RGS18: variants seen among roughly 807,000 people sequenced by gnomAD.
RGS18 encodes the protein regulator of G-protein signaling 18.
In RGS18, 22 loss-of-function variants were observed where a neutral mutation model predicts 27.6. The ratio of observed to expected loss-of-function variants is 0.80; its 90% CI spans 0.57 to 1.14. RGS18 has a LOEUF of 1.14. RGS18 is among the 50% of genes most tolerant of loss of function. RGS18 has a pLI of 0.00. For synonymous variants in RGS18, 89 were observed against 84.6 expected, an observed-to-expected ratio of 1.05 and a Z score of -0.29; for missense variants, 299 against 269.6, an observed-to-expected ratio of 1.11 and a Z score of -0.76.
At position 192,160,914 on chromosome 1, in the gene RGS18, G is replaced by A. The variant is rs550260944; in HGVS notation, c.283+475G>A. Reference sequence around the variant, plus strand: ...GTCGCCCAGGCTGGAGTGCAGTGGCGCCATCTCGGCTCACTGCAAGCTCCG... The same window carrying A: ...GTCGCCCAGGCTGGAGTGCAGTGGCACCATCTCGGCTCACTGCAAGCTCCG... On this transcript the variant is annotated intron_variant, in intron 3 of 4. Transcript: ENST00000367460. 4.6e-4 allele frequency among the ~76,000 whole-genome samples: 70 copies of A among 152,232 alleles called. 2 individuals are homozygous for A. The South Asian group carries it at 0.014, about 30-fold the overall frequency.
At chr1:192,175,492 T>G (rs1656343201) in intron 3 of RGS18, among the ~76,000 whole-genome samples, 2 of 151,906 alleles carry the variant, frequency 1.3e-5, no homozygotes, top group South Asian at 4.1e-4. Flanking sequence ...TATCTCAGAA[T>G]TGTCTTAGTA....
chr1:192,158,765 G>T lies in RGS18; in HGVS notation c.119+9G>T. 1 of 1,521,068 alleles carries T rather than the reference G, an allele frequency of 6.6e-7. No individual in the cohort carries two copies. The highest frequency in any genetic ancestry group is 8.9e-7 in the Non-Finnish European group (1 of 1,122,516). 94.2% of individuals were successfully genotyped at this position (1,521,068 alleles called of 1,614,324 possible). A position where few individuals can be genotyped will look rare whatever the true frequency, so the allele number is the denominator to read the frequency against. On this transcript the variant is annotated intron_variant, in intron 1 of 4. Coordinates refer to ENST00000367460, the MANE Select transcript of RGS18 (RefSeq NM_130782.3). The stretch of plus-strand genomic sequence containing the variant: ...AAAGAAGCCAAAATCAGGTAAAATT[G>T]TACAATTTTAAGTCAGCCTTATACT...
intron 3 of RGS18, among the ~76,000 whole-genome samples, chr1:192,166,161 T>C (rs534294588): frequency 1.3e-5 from 2 of 152,324 alleles, no homozygotes; most frequent in Non-Finnish European, 2.9e-5. Flanking sequence ...TGTGTATGGC[T>C]CTGTGTAGGC....
Position 192,184,694 on chromosome 1 carries a change from T to C in RGS18, c.*140T>C. The C allele has an allele frequency of 1.3e-6, 1 of 799,670 alleles. No individual in the cohort carries two copies. Among genetic ancestry groups the C allele is most frequent in the Non-Finnish European group, 1.9e-6 (1 of 514,256 alleles). The allele number at this position is 799,670 out of a possible 1,614,324, so 49.5% of individuals were successfully genotyped here. On this transcript the variant is annotated 3_prime_UTR_variant, in exon 5 of 5. Coordinates refer to ENST00000367460, the MANE Select transcript of RGS18 (RefSeq NM_130782.3). ...TATTTTAAAAATGTAAAAACAAAAC[T>C]TTCTGCTAACAAAATACATACAGTA...
chr1:192,160,875 C>T (rs896174439), intron 3 of RGS18, among the ~76,000 whole-genome samples: 8 of 152,160 alleles, frequency 5.3e-5, no homozygotes, highest in African/African-American at 9.7e-5. Flanking sequence ...TGTTTTGAGA[C>T]GGAGTCTCGC....
chr1:192,172,022 C>T (rs1175318797), intron 3 of RGS18, among the ~76,000 whole-genome samples: 1 of 151,988 alleles, frequency 6.6e-6, no homozygotes, highest in Admixed American at 6.6e-5. Flanking sequence ...CACGTTTCTG[C>T]TCATTTGGAT....
At chr1:192,182,816 G>A (rs893987532) in intron 4 of RGS18, among the ~76,000 whole-genome samples, 1 of 151,502 alleles carries the variant, frequency 6.6e-6, no homozygotes, top group African/African-American at 2.4e-5. Flanking sequence ...GAAGTCAAGG[G>A]ACATCAAGAA....
At chr1:192,183,802 C>A (rs1318845616) in intron 4 of RGS18, among the ~76,000 whole-genome samples, 1 of 151,616 alleles carries the variant, frequency 6.6e-6, no homozygotes, top group African/African-American at 2.4e-5. Flanking sequence ...ACAGAAATAT[C>A]TGAGCCTAGG....
At chr1:192,181,241 G>C in intron 3 of RGS18, 51 bp from the exon 4 acceptor site, 1 of 1,044,608 alleles carries the variant, frequency 9.6e-7, no homozygotes, top group Non-Finnish European at 1.4e-6. Flanking sequence ...ATCAGTAAAT[G>C]TTTCCAACAT....
chr1:192,158,861 T>C (rs1365107013), intron 1 of RGS18, 105 bp downstream of exon 1: 2 of 809,810 alleles, frequency 2.5e-6, no homozygotes, highest in African/African-American at 3.6e-5. Context: ...AAATATATTG[T>C]TTGTATTGCT....
chr1:192,172,138 T>C (rs1418923924), intron 3 of RGS18, among the ~76,000 whole-genome samples: 1 of 152,056 alleles, frequency 6.6e-6, no homozygotes, highest in Non-Finnish European at 1.5e-5. Context: ...TGTAGTTTGT[T>C]TCTCCCCTCA....
intron 4 of RGS18, among the ~76,000 whole-genome samples, chr1:192,181,745 T>A (rs895368483): frequency 6.6e-6 from 1 of 151,576 alleles, no homozygotes; most frequent in South Asian, 2.1e-4. Context: ...AAATATACCA[T>A]GTATTATTAT....
intron 3 of RGS18, among the ~76,000 whole-genome samples, chr1:192,174,711 T>G (rs1656327032): frequency 6.6e-6 from 1 of 151,918 alleles, no homozygotes; most frequent in Admixed American, 6.6e-5. Flanking sequence ...AAGATTTTTT[T>G]GTTCAGATTT....
At chr1:192,161,693 T>C (rs1332484581) in intron 3 of RGS18, among the ~76,000 whole-genome samples, 1 of 152,144 alleles carries the variant, frequency 6.6e-6, no homozygotes, top group African/African-American at 2.4e-5. Flanking sequence ...GCCAGACTAC[T>C]CTAACTACTC....
chr1:192,176,651 G>T (rs1189538320), intron 3 of RGS18, among the ~76,000 whole-genome samples: 4 of 151,484 alleles, frequency 2.6e-5, no homozygotes, highest in Non-Finnish European at 4.4e-5. Flanking sequence ...CAAATCAAGG[G>T]CTTTGTCCAC....
At chr1:192,183,497 A>G (rs1391124848) in intron 4 of RGS18, among the ~76,000 whole-genome samples, 2 of 151,580 alleles carry the variant, frequency 1.3e-5, no homozygotes, top group African/African-American at 4.8e-5. Flanking sequence ...TATTTCTATG[A>G]TCTTAGCAGT....
At chr1:192,172,864 C>CATATATATATATATAAATATATATAT (rs1656285698) in intron 3 of RGS18, among the ~76,000 whole-genome samples, 1 of 135,544 alleles carries the variant, frequency 7.4e-6, no homozygotes, top group African/African-American at 2.7e-5. Flanking sequence ...GAAAAATATG[C>CATATATATATATATAAATATATATAT]ATATATATAT....
intron 4 of RGS18, 43 bp downstream of exon 4, chr1:192,181,501 AT>A: frequency 3.1e-6 from 4 of 1,302,290 alleles, no homozygotes; most frequent in South Asian, 1.6e-5. Context: ...TGCTTTCAAA[AT>A]TTTTTAATAA....
intron 3 of RGS18, among the ~76,000 whole-genome samples, chr1:192,174,020 T>C (rs1264174033): frequency 6.6e-6 from 1 of 151,772 alleles, no homozygotes; most frequent in Non-Finnish European, 1.5e-5. Flanking sequence ...TTTCTTTCTT[T>C]TTTTTTACTA....
Sources: allele counts gnomAD v4.1 joint callset (sites outside exome capture counted in the v4.1 genomes callset), GRCh38; gene constraint gnomAD v4.1.1; transcripts MANE v1.5; gene names NCBI Gene and HGNC (gene_info 2026-07-23, HGNC 2026-07-21).